The following MPND variants were observed in gnomAD, a reference collection of about 807,000 sequenced individuals.
MPND encodes the protein MPN domain containing.
Under a neutral mutation model 59.2 loss-of-function variants are expected in MPND, and 56 were observed. The observed-to-expected ratio is 0.95, with a 90% CI of 0.76 to 1.18. The LOEUF is 1.18. Among genes scored for constraint, MPND ranks in the 50% most tolerant of loss-of-function variants. MPND has a pLI of 0.00. For synonymous variants in MPND, 323 were observed against 291.9 expected, an observed-to-expected ratio of 1.11 and a Z score of -1.09; for missense variants, 671 against 676.0, an observed-to-expected ratio of 0.99 and a Z score of 0.08.
rs763647495 is a variant in MPND, at chr19:4,354,118, C to T, written c.738C>T (p.Arg246=). 16 of 1,611,936 alleles carry T rather than the reference C, an allele frequency of 9.9e-6. No individual in the cohort carries two copies. In the Admixed American group the frequency reaches 1.0e-4, roughly 10 times the overall value. ...VPVRYCMLGS[R]DLARNPHTLV... is the part of the protein sequence containing the mutation. The stretch of plus-strand genomic sequence containing the variant: ...TCCGCTACTGCATGCTGGGCAGCCG[C>T]GACTTGGCCAGGTCAGACTCACCCC... The change falls in exon 5 of 13, where the codon CGC becomes CGT. Residue 246 remains arginine (R), a synonymous_variant. Coordinates refer to ENST00000599840, the MANE Select transcript of MPND (RefSeq NM_001300862.2).
intron 3 of MPND, among the ~76,000 whole-genome samples, chr19:4,349,975 AGTGGCCAACTGT>A (rs1972277950): frequency 6.6e-6 from 1 of 152,170 alleles, no homozygotes; most frequent in Non-Finnish European, 1.5e-5. Context: ...GTATTCAGTT[AGTGGCCAACTGT>A]GTGCAAGGCC....
chr19:4,350,507 T>C (rs1445407838), intron 3 of MPND, among the ~76,000 whole-genome samples: 3 of 151,600 alleles, frequency 2.0e-5, no homozygotes, highest in Non-Finnish European at 2.9e-5. Context: ...CTGGTCCAGG[T>C]GAGGGATGAT....
At position 4,359,816 on chromosome 19, in the gene MPND, G is replaced by T. The variant is rs565553793; in HGVS notation, c.1420-100G>T. The T allele has an allele frequency of 1.2e-5, 11 of 927,468 alleles. No homozygotes were observed. The South Asian group carries it at 1.8e-4, about 15-fold the overall frequency. The allele number at this position is 927,468 out of a possible 1,614,324, so 57.5% of individuals were successfully genotyped here. ...CCCCAGCCCTGTGCCTCGGTCTCAG[G>T]GGGGCTCAGTCAGGATGCTGGACTT... On this transcript the variant is annotated intron_variant, in intron 12 of 12. Transcript: ENST00000599840.
intron 3 of MPND, among the ~76,000 whole-genome samples, chr19:4,351,932 G>T (rs1307436556): frequency 6.6e-6 from 1 of 150,824 alleles, no homozygotes; most frequent in Admixed American, 6.6e-5. Flanking sequence ...CAACACTTTG[G>T]GAGGCTGAGG....
rs567916769 is a variant in MPND, at chr19:4,344,894, G to A, written c.295-851G>A. On this transcript the variant is annotated intron_variant, in intron 2 of 12. Coordinates refer to ENST00000599840, the MANE Select transcript of MPND (RefSeq NM_001300862.2). ...TGGGACTACAGGTATGCGCCACCACGCCTGGCTAATTTTTTTTTTTTGCAG... is the reference window on the plus strand; with the variant it reads ...TGGGACTACAGGTATGCGCCACCACACCTGGCTAATTTTTTTTTTTTGCAG... Among the ~76,000 whole-genome samples the A allele has an allele frequency of 1.5e-4, 23 of 149,242 alleles. No homozygotes were observed. The South Asian group carries it at 2.6e-3, about 17-fold the overall frequency.
chr19:4,348,984 T>C (rs1972252226), intron 3 of MPND: 1 of 216,928 alleles, frequency 4.6e-6, no homozygotes, highest in Non-Finnish European at 9.8e-6. Context: ...GATACAGTCC[T>C]CAGTGCCAGC....
Position 4,355,147 on chromosome 19 carries a change from GA to G in MPND, c.971del (p.Glu324GlyfsTer84). On this transcript the variant is annotated frameshift_variant, in exon 8 of 13. Coordinates refer to ENST00000599840, the MANE Select transcript of MPND (RefSeq NM_001300862.2). LOFTEE classifies it high-confidence loss of function. ...FPCRSRLGDA[E>X]TAAAIEEEIY... ...TTGTCGGAGCCGGCTCGGGGACGCA[GA>G]GACTGCAGCTGCCATCGAAGAGGAG... 1.2e-6 allele frequency: 2 copies of G among 1,613,460 alleles called. No individual in the cohort carries two copies. Among genetic ancestry groups the G allele is most frequent in the Non-Finnish European group, 1.7e-6 (2 of 1,180,006 alleles).
At chr19:4,345,684 C>T in intron 2 of MPND, 61 bp from the exon 3 acceptor site, 1 of 1,525,476 alleles carries the variant, frequency 6.6e-7, no homozygotes. Flanking sequence ...GGGAGGACCC[C>T]CCGGGAGAGA....
In MPND at chr19:4,354,355, T is replaced by G. The variant is rs977923875; in HGVS notation, c.781T>G (p.Phe261Val). 6.4e-7 allele frequency: 1 copy of G among 1,561,782 alleles called. No individual in the cohort carries two copies. The highest frequency in any genetic ancestry group is 8.7e-7 in the Non-Finnish European group (1 of 1,151,706). ...CCACACCCTGGTGGAAGTAACATCC[T>G]TTGCAGCCATCAACAAGTTCCAGCC... ...NPHTLVEVTSFAAINKFQPFN... is the reference protein window; with the variant it reads ...NPHTLVEVTSVAAINKFQPFN... Residue 261 changes from phenylalanine (F) to valine (V), a missense_variant, in exon 6 of 13, where the codon TTT (phenylalanine) becomes GTT (valine). Transcript: ENST00000599840.
At chr19:4,353,626 A>G (rs536144640) in intron 4 of MPND, among the ~76,000 whole-genome samples, 118 of 152,174 alleles carry the variant, frequency 7.8e-4, no homozygotes, top group African/African-American at 2.6e-3. Context: ...CAGTGGTGCA[A>G]TCATGGCTAA....
intron 11 of MPND, 33 bp from the exon 12 acceptor site, chr19:4,359,130 G>T (rs1047457403): frequency 2.0e-6 from 3 of 1,514,484 alleles, no homozygotes; most frequent in Non-Finnish European, 2.7e-6. Flanking sequence ...GGCTTGGAGG[G>T]AGCCTGGGAG....
rs532226233 is a variant in MPND, at chr19:4,356,827, AG to A, written c.997-421del. ...CTAATTTTTGTATTTTTAGTAGAGA[AG>A]GGGGTTTCTCCATGTTGGCCAGGCT... On this transcript the variant is annotated intron_variant, in intron 8 of 12. Transcript: ENST00000599840. The A allele has an allele frequency of 7.7e-5, 12 of 155,046 alleles. No individual in the cohort carries two copies. The East Asian group carries it at 2.3e-3, about 29-fold the overall frequency. The allele number at this position is 155,046 out of a possible 1,614,324, so 9.6% of individuals were successfully genotyped here.
At chr19:4,345,400 CATT>C (rs1972164316) in intron 2 of MPND, among the ~76,000 whole-genome samples, 1 of 152,168 alleles carries the variant, frequency 6.6e-6, no homozygotes, top group African/African-American at 2.4e-5. Flanking sequence ...AATGGTAGCA[CATT>C]ATTCCCCTTC....
intron 3 of MPND, chr19:4,348,767 C>G (rs927304656): frequency 6.6e-6 from 1 of 151,818 alleles, no homozygotes; most frequent in African/African-American, 2.4e-5. Context: ...AAGCCATTCT[C>G]CTACCTCAGC....
intron 3 of MPND, among the ~76,000 whole-genome samples, chr19:4,350,314 T>C (rs7247827): frequency 0.75 from 113,466 of 151,834 alleles, 43,148 homozygotes; most frequent in African/African-American, 0.87. Flanking sequence ...CATGCAGGGC[T>C]CTGTAGGTTA....
chr19:4,357,324 G>A lies in MPND; in HGVS notation c.1068G>A (p.Ala356=), dbSNP rs775759516. 1.4e-5 allele frequency: 23 copies of A among 1,613,010 alleles called. No homozygotes were observed. In the Admixed American group the frequency reaches 2.3e-4, roughly 16 times the overall value. Residue 356 remains alanine, a synonymous_variant, in exon 9 of 13, where the codon GCG becomes GCA. Coordinates refer to ENST00000599840, the MANE Select transcript of MPND (RefSeq NM_001300862.2). ...ACCACAGCCACCCACACAGCCCGGC[G>A]CTGCCATCTCTGCAGGACATCGACG... ...GWYHSHPHSP[A]LPSLQDIDAQ... is the part of the protein sequence containing the mutation.
At chr19:4,354,458 G>C in intron 6 of MPND, 38 bp downstream of exon 6, 2 of 1,525,054 alleles carry the variant, frequency 1.3e-6, no homozygotes, top group Non-Finnish European at 1.8e-6. Flanking sequence ...AGGGGCTCCG[G>C]AGCCCAGTCG....
At chr19:4,346,901 A>G (rs558459127) in intron 3 of MPND, among the ~76,000 whole-genome samples, 1 of 152,068 alleles carries the variant, frequency 6.6e-6, no homozygotes, top group Non-Finnish European at 1.5e-5. Context: ...GTGGTGGTGC[A>G]CGCCTGTAGT....
chr19:4,343,692 C>G lies in MPND; in HGVS notation c.8-16C>G. 8.4e-7 allele frequency: 1 copy of G among 1,190,028 alleles called. No homozygotes were observed. Among genetic ancestry groups the G allele is most frequent in the Non-Finnish European group, 1.0e-6 (1 of 961,748 alleles). 73.7% of individuals were successfully genotyped at this position (1,190,028 alleles called of 1,614,324 possible). A position where few individuals can be genotyped will look rare whatever the true frequency, so the allele number is the denominator to read the frequency against. On this transcript the variant is annotated splice_polypyrimidine_tract_variant and intron_variant, in intron 1 of 12. Coordinates refer to ENST00000599840, the MANE Select transcript of MPND (RefSeq NM_001300862.2). ...GTGGGGCGAGCGGCCTCCCTGCAGC[C>G]TCTCGCTGTCCGCAGCTCCGGAGCC...
Sources: gnomAD v4.1 joint callset for allele counts (sites outside exome capture counted in the v4.1 genomes callset) on GRCh38, gnomAD v4.1.1 for gene constraint, MANE v1.5 for transcripts, NCBI Gene and HGNC (gene_info 2026-07-23, HGNC 2026-07-21) for gene names.